The following GRIA4 variants were observed in gnomAD, a reference collection of about 807,000 sequenced individuals.
GRIA4 encodes glutamate ionotropic receptor AMPA type subunit 4.
GRIA4 carries 34 observed loss-of-function variants against 104.0 expected under a neutral mutation model. The ratio of observed to expected loss-of-function variants is 0.33; its 90% CI spans 0.25 to 0.44. The LOEUF (loss-of-function observed/expected upper bound fraction) is 0.44. Ranked by LOEUF, GRIA4 falls within the 20% of genes least tolerant of loss-of-function variation. The pLI, the probability that GRIA4 is intolerant of heterozygous loss-of-function variation, is 1.00. For synonymous variants in GRIA4, 386 were observed against 381.9 expected (o/e 1.01, Z -0.13); for missense variants, 750 against 1,096.5 (o/e 0.68, Z 4.46).
chr11:105,880,152 CA>C (rs1945995522), intron 5 of GRIA4, among the ~76,000 whole-genome samples: 1 of 152,176 alleles, frequency 6.6e-6, no homozygotes, highest in Non-Finnish European at 1.5e-5. Context: ...ACATGTGCTT[CA>C]AACTCATAAT....
intron 3 of GRIA4, among the ~76,000 whole-genome samples, chr11:105,628,575 C>T (rs755302397): frequency 6.6e-6 from 1 of 152,086 alleles, no homozygotes; most frequent in South Asian, 2.1e-4. Flanking sequence ...TGAAGAAGAA[C>T]GTGTTTGCTT....
chr11:105,753,315 C>G (rs1437940127), intron 4 of GRIA4, 95 bp downstream of exon 4: 1 of 1,059,428 alleles, frequency 9.4e-7, no homozygotes, highest in Non-Finnish European at 1.4e-6. Flanking sequence ...TGTTTGATCT[C>G]TAACATCACT....
At chr11:105,859,578 A>G (rs1250859240) in intron 4 of GRIA4, among the ~76,000 whole-genome samples, 2 of 152,202 alleles carry the variant, frequency 1.3e-5, no homozygotes, top group Non-Finnish European at 1.5e-5. Context: ...CAGCAGGAGA[A>G]TAACAACATG....
At chr11:105,826,322 T>C (rs1943769930) in intron 4 of GRIA4, among the ~76,000 whole-genome samples, 1 of 152,018 alleles carries the variant, frequency 6.6e-6, no homozygotes, top group African/African-American at 2.4e-5. Context: ...CAGTTTCTCA[T>C]TCCCCATGGG....
At chr11:105,719,777 G>GAA (rs111574386) in intron 3 of GRIA4, among the ~76,000 whole-genome samples, 1 of 137,152 alleles carries the variant, frequency 7.3e-6, no homozygotes, top group African/African-American at 2.7e-5. Context: ...CAATGATTGG[G>GAA]AAAAAAAAAA....
chr11:105,786,069 C>T (rs1037673777), intron 4 of GRIA4, among the ~76,000 whole-genome samples: 10 of 136,044 alleles, frequency 7.4e-5, no homozygotes, highest in East Asian at 2.3e-4. Flanking sequence ...CGCTTGACCC[C>T]GGGAGGTGGA....
intron 4 of GRIA4, among the ~76,000 whole-genome samples, chr11:105,838,067 T>TA (rs1944259814): frequency 6.6e-6 from 1 of 152,028 alleles, no homozygotes. Flanking sequence ...ATAAAACTGA[T>TA]AAAAAGCTGG....
At chr11:105,734,986 T>G (rs1252490294) in intron 3 of GRIA4, among the ~76,000 whole-genome samples, 2 of 152,140 alleles carry the variant, frequency 1.3e-5, no homozygotes. Flanking sequence ...ACGATGATAT[T>G]AAATACTATC....
intron 4 of GRIA4, among the ~76,000 whole-genome samples, chr11:105,816,696 A>C (rs1229026873): frequency 6.6e-6 from 1 of 152,148 alleles, no homozygotes; most frequent in East Asian, 1.9e-4. Flanking sequence ...TATTTCCATC[A>C]GTAGCAGAGT....
At chr11:105,795,691 A>C (rs1285054060) in intron 4 of GRIA4, among the ~76,000 whole-genome samples, 4 of 152,180 alleles carry the variant, frequency 2.6e-5, no homozygotes, top group Admixed American at 2.6e-4. Flanking sequence ...AGCAACACTT[A>C]ATGGTTGTAA....
At chr11:105,919,162 T>G (rs1268558385) in intron 11 of GRIA4, among the ~76,000 whole-genome samples, 1 of 152,106 alleles carries the variant, frequency 6.6e-6, no homozygotes, top group Non-Finnish European at 1.5e-5. Flanking sequence ...ACAATCCTAG[T>G]TTTTTTAATT....
chr11:105,658,529 G>A (rs1340999287), intron 3 of GRIA4, among the ~76,000 whole-genome samples: 1 of 151,840 alleles, frequency 6.6e-6, no homozygotes, highest in African/African-American at 2.4e-5. Flanking sequence ...ATTAATGGAG[G>A]TGATTTCTGT....
chr11:105,910,352 C>A, intron 9 of GRIA4, 83 bp from the exon 10 acceptor site: 1 of 668,880 alleles, frequency 1.5e-6, no homozygotes. Flanking sequence ...GTTTGCTTAC[C>A]TATTCATACC....
intron 5 of GRIA4, among the ~76,000 whole-genome samples, chr11:105,886,144 C>G (rs973577654): frequency 1.3e-5 from 2 of 152,272 alleles, no homozygotes; most frequent in South Asian, 4.1e-4. Context: ...GCCATGTATA[C>G]AAAACTCTTT....
At chr11:105,789,423 A>C (rs1289298038) in intron 4 of GRIA4, among the ~76,000 whole-genome samples, 1 of 152,178 alleles carries the variant, frequency 6.6e-6, no homozygotes, top group African/African-American at 2.4e-5. Context: ...CATCAAGAAC[A>C]TAAAAAGTCT....
At chr11:105,820,826 T>A (rs2135901215) in intron 4 of GRIA4, among the ~76,000 whole-genome samples, 1 of 152,286 alleles carries the variant, frequency 6.6e-6, no homozygotes, top group South Asian at 2.1e-4. Flanking sequence ...CTAAAATTTT[T>A]ACTTAGACTC....
At position 105,915,127 on chromosome 11, in the gene GRIA4, A is replaced by G. The variant is rs531901516; in HGVS notation, c.1270-3585A>G. Among the ~76,000 whole-genome samples, 6 of 152,342 alleles carry G rather than the reference A, an allele frequency of 3.9e-5. No homozygotes were observed. The East Asian group carries it at 1.2e-3, about 29-fold the overall frequency. On this transcript the variant is annotated intron_variant, in intron 10 of 16. Coordinates refer to ENST00000282499, the MANE Select transcript of GRIA4 (RefSeq NM_000829.4). ...CACAGTCAAAGAAACAGCAGAGCTG[A>G]GCAACCATGGGAGACATCGTTCAAG...
chr11:105,866,441 GTT>G (rs1263975925), intron 5 of GRIA4, among the ~76,000 whole-genome samples: 1 of 150,668 alleles, frequency 6.6e-6, no homozygotes, highest in Admixed American at 6.6e-5. Flanking sequence ...GTGTGTGTGT[GTT>G]TGTGTGTGTG....
chr11:105,855,957 A>G (rs1419542795), intron 4 of GRIA4, among the ~76,000 whole-genome samples: 4 of 152,156 alleles, frequency 2.6e-5, no homozygotes, highest in Non-Finnish European at 4.4e-5. Context: ...GGTCAAAAAA[A>G]CCCTAAGAGT....
Sources: gnomAD v4.1 joint callset for allele counts (sites outside exome capture counted in the v4.1 genomes callset) on GRCh38, gnomAD v4.1.1 for gene constraint, MANE v1.5 for transcripts, NCBI Gene and HGNC (gene_info 2026-07-23, HGNC 2026-07-21) for gene names.